The following PCDH15 variants were observed in gnomAD, a reference collection of about 807,000 sequenced individuals.
PCDH15 encodes protocadherin related 15, also known as protocadherin-15.
PCDH15 carries 129 observed loss-of-function variants against 178.5 expected under a neutral mutation model. The observed-to-expected ratio is 0.72, with a 90% CI of 0.63 to 0.84. The LOEUF is 0.84. Among genes scored for constraint, PCDH15 ranks in the 40% least tolerant of loss-of-function variants. The probability of loss-of-function intolerance (pLI) is 0.00; values close to 1 mark genes in which losing one functional copy is unlikely to be tolerated. For missense variants in PCDH15, 2,230 were observed against 2,099.9 expected (o/e 1.06, Z -1.21); for synonymous variants, 800 against 732.0 (o/e 1.09, Z -1.50).
intron 3 of PCDH15, among the ~76,000 whole-genome samples, chr10:54,863,241 A>G (rs554042383): frequency 2.0e-5 from 3 of 152,316 alleles, no homozygotes; most frequent in East Asian, 1.9e-4. Context: ...GATTTATTCT[A>G]TAAAAATATA....
chr10:53,841,933 T>C (rs578092301), intron 28 of PCDH15, among the ~76,000 whole-genome samples: 1 of 147,824 alleles, frequency 6.8e-6, no homozygotes, highest in Admixed American at 6.7e-5. Context: ...AGAGCAAGAT[T>C]TTATCTCCAA....
intron 21 of PCDH15, among the ~76,000 whole-genome samples, chr10:53,975,043 C>T (rs942556191): frequency 8.5e-5 from 13 of 152,168 alleles, no homozygotes; most frequent in African/African-American, 2.4e-4. Flanking sequence ...ATTTGGTTTT[C>T]TGTTCCTGCA....
At chr10:55,402,925 T>G (rs980451948) in intron 2 of PCDH15, among the ~76,000 whole-genome samples, 1 of 152,002 alleles carries the variant, frequency 6.6e-6, no homozygotes, top group African/African-American at 2.4e-5. Context: ...GTAGTACTGA[T>G]TCACATTCCC....
intron 2 of PCDH15, among the ~76,000 whole-genome samples, chr10:54,990,685 T>C (rs575465525): frequency 6.6e-6 from 1 of 152,276 alleles, no homozygotes. Context: ...ACCAACAAGA[T>C]GTTTATGTTC....
At chr10:54,112,147 AAAT>A (rs2095037490) in intron 15 of PCDH15, among the ~76,000 whole-genome samples, 1 of 151,462 alleles carries the variant, frequency 6.6e-6, no homozygotes, top group South Asian at 2.1e-4. Context: ...GTCTCAAAAT[AAAT>A]AAATAAATAA....
Position 55,350,256 on chromosome 10 carries a change from TATATATATATATACACAC to T in PCDH15, c.-155-183623_-155-183606del, listed in dbSNP as rs1160956704. Among the ~76,000 whole-genome samples the T allele has an allele frequency of 7.0e-3, 469 of 67,386 alleles. 5 individuals are homozygous for T. The highest frequency in any genetic ancestry group is 0.03 in the African/African-American group (440 of 14,650). The allele number at this position is 67,386 out of a possible 152,430, so 44.2% of individuals were successfully genotyped here. The stretch of plus-strand genomic sequence containing the variant: ...ATATATATATATATATATATATATA[TATATATATATATACACAC>T]ACACACACACACATACATACACACA... On this transcript the variant is annotated intron_variant, in intron 2 of 5. Coordinates refer to the PCDH15 transcript ENST00000613346.
chr10:54,000,226 C>A (rs1044203808), intron 20 of PCDH15, among the ~76,000 whole-genome samples: 1 of 152,006 alleles, frequency 6.6e-6, no homozygotes, highest in Non-Finnish European at 1.5e-5. Flanking sequence ...CGAAGAAGTC[C>A]AGACTGTGAA....
At chr10:55,340,377 A>T (rs1176191498) in intron 2 of PCDH15, among the ~76,000 whole-genome samples, 1 of 151,954 alleles carries the variant, frequency 6.6e-6, no homozygotes. Flanking sequence ...TTGTTGCAGC[A>T]TCTCCTACAC....
At chr10:55,037,270 G>C (rs996397664) in intron 2 of PCDH15, among the ~76,000 whole-genome samples, 16 of 151,934 alleles carry the variant, frequency 1.1e-4, no homozygotes, top group African/African-American at 3.9e-4. Context: ...GTCTCGCTCT[G>C]TTGCCCAGGC....
At chr10:55,207,819 A>T (rs1035112431) in intron 1 of PCDH15, among the ~76,000 whole-genome samples, 1 of 152,030 alleles carries the variant, frequency 6.6e-6, no homozygotes, top group African/African-American at 2.4e-5. Flanking sequence ...ATACAAAAAA[A>T]TTAGCTGGGC....
chr10:54,637,492 A>G (rs563813882), intron 2 of PCDH15, among the ~76,000 whole-genome samples: 1 of 152,066 alleles, frequency 6.6e-6, no homozygotes, highest in Admixed American at 6.6e-5. Flanking sequence ...TTCTTCTTCA[A>G]TTTTATCAGT....
chr10:54,883,074 T>C (rs1464567453), intron 3 of PCDH15, among the ~76,000 whole-genome samples: 1 of 140,120 alleles, frequency 7.1e-6, no homozygotes, highest in Non-Finnish European at 1.5e-5. Flanking sequence ...TCTTCCCAAG[T>C]TGGAGTTGCA....
chr10:53,923,594 A>C (rs191050913), intron 25 of PCDH15, among the ~76,000 whole-genome samples: 168 of 152,360 alleles, frequency 1.1e-3, no homozygotes, highest in African/African-American at 4.0e-3. Flanking sequence ...AAAACCAAGA[A>C]ATCTTCTACC....
chr10:55,192,055 C>CT (rs1246276626), intron 1 of PCDH15, among the ~76,000 whole-genome samples: 7 of 151,662 alleles, frequency 4.6e-5, no homozygotes, highest in African/African-American at 7.3e-5. Context: ...AATAAAGGGA[C>CT]TTTTTTTTCT....
intron 32 of PCDH15, chr10:53,825,040 GA>G: frequency 7.5e-7 from 1 of 1,324,744 alleles, no homozygotes. Flanking sequence ...GGCAAAAGAT[GA>G]AGATCACTGT....
chr10:55,425,063 A>G lies in PCDH15; in HGVS notation c.-156+202562T>C, dbSNP rs1287061043. On this transcript the variant is annotated intron_variant, in intron 2 of 5. Coordinates refer to the PCDH15 transcript ENST00000613346. ...AAATTGAACAAATGATGCTTTTTAA[A>G]AGCTCATATCTCCATGTAGAAAAAA... Among the ~76,000 whole-genome samples the G allele has an allele frequency of 2.0e-5, 3 of 152,026 alleles. No homozygotes were observed. The East Asian group carries it at 5.8e-4, about 29-fold the overall frequency.
intron 15 of PCDH15, among the ~76,000 whole-genome samples, chr10:54,092,466 C>T (rs2094614839): frequency 6.6e-6 from 1 of 151,760 alleles, no homozygotes; most frequent in Non-Finnish European, 1.5e-5. Flanking sequence ...ATGCCATACA[C>T]ACTAAAATAA....
At chr10:55,371,256 C>T (rs1373154402) in intron 2 of PCDH15, among the ~76,000 whole-genome samples, 1 of 152,000 alleles carries the variant, frequency 6.6e-6, no homozygotes, top group Non-Finnish European at 1.5e-5. Context: ...TGATCTCATA[C>T]CAGCACAAAT....
At chr10:54,877,470 C>A (rs1954166876) in intron 3 of PCDH15, among the ~76,000 whole-genome samples, 1 of 152,028 alleles carries the variant, frequency 6.6e-6, no homozygotes, top group African/African-American at 2.4e-5. Flanking sequence ...TATTTTTAAC[C>A]AATTTACTTG....
Sources: allele counts gnomAD v4.1 joint callset (sites outside exome capture counted in the v4.1 genomes callset), GRCh38; gene constraint gnomAD v4.1.1; transcripts MANE v1.5; gene names NCBI Gene and HGNC (gene_info 2026-07-23, HGNC 2026-07-21).